Variants in TEKT3 observed in about 807,000 individuals in gnomAD.
TEKT3 encodes the protein tektin-3.
A neutral mutation model predicts 49.8 loss-of-function variants in TEKT3; 49 were observed. The observed-to-expected ratio is 0.98, with a 90% CI of 0.78 to 1.25. The LOEUF (loss-of-function observed/expected upper bound fraction) is 1.25. Among genes scored for constraint, TEKT3 ranks in the 50% most tolerant of loss-of-function variants. The pLI, the probability that TEKT3 is intolerant of heterozygous loss-of-function variation, is 0.00. For missense variants in TEKT3, 595 were observed against 629.5 expected (o/e 0.95, Z 0.59); for synonymous variants, 225 against 237.2 (o/e 0.95, Z 0.47).
intron 4 of TEKT3, among the ~76,000 whole-genome samples, chr17:15,320,222 G>A (rs1211956413): frequency 1.3e-5 from 2 of 152,116 alleles, no homozygotes; most frequent in East Asian, 3.8e-4. Context: ...GCCTAAATTT[G>A]CAAGCTGATA....
intron 4 of TEKT3, among the ~76,000 whole-genome samples, chr17:15,321,184 T>C (rs1019501916): frequency 6.6e-6 from 1 of 152,020 alleles, no homozygotes; most frequent in East Asian, 1.9e-4. Flanking sequence ...TAATTTTTTG[T>C]ATTTTTAGTA....
intron 2 of TEKT3, among the ~76,000 whole-genome samples, chr17:15,332,729 G>A (rs985560517): frequency 1.3e-5 from 2 of 152,178 alleles, no homozygotes; most frequent in East Asian, 1.9e-4. Flanking sequence ...TTAGCAGAGT[G>A]TCGGACACAT....
At chr17:15,319,319 G>A (rs1321256919) in intron 4 of TEKT3, among the ~76,000 whole-genome samples, 172 bp from the exon 5 acceptor site, 2 of 152,096 alleles carry the variant, frequency 1.3e-5, no homozygotes, top group African/African-American at 4.8e-5. Context: ...CATGATACTG[G>A]AATCTAAATA....
chr17:15,343,604 G>C (rs566909103), upstream of TEKT3, among the ~76,000 whole-genome samples: 5 of 152,214 alleles, frequency 3.3e-5, no homozygotes, highest in Admixed American at 1.3e-4. Context: ...CCATGAAAGA[G>C]GGACTCAGTC....
At chr17:15,341,956 G>T (rs1912249810), upstream of TEKT3, among the ~76,000 whole-genome samples, 1 of 152,188 alleles carries the variant, frequency 6.6e-6, no homozygotes, top group South Asian at 2.1e-4. Flanking sequence ...CATCAGGGCT[G>T]CCTGGAACCC....
chr17:15,315,314 G>A (rs1287553234), intron 5 of TEKT3, among the ~76,000 whole-genome samples: 2 of 152,182 alleles, frequency 1.3e-5, no homozygotes, highest in African/African-American at 4.8e-5. Context: ...ATCATGCAGG[G>A]CCCTAATGGA....
chr17:15,331,601 T>A lies in TEKT3; in HGVS notation c.-16A>T, dbSNP rs559062882. ...CACGTTCCATGATGCCAAAACACTA[T>A]TTGTAAATCTCTCCTGTTAAAAAAT... On this transcript the variant is annotated 5_prime_UTR_variant, in exon 3 of 9. Transcript: ENST00000395930. 2.6e-4 allele frequency: 411 copies of A among 1,586,126 alleles called. 3 individuals carry two copies. The South Asian group carries it at 4.4e-3, about 17-fold the overall frequency.
At chr17:15,315,600 A>G (rs1910967788) in intron 5 of TEKT3, among the ~76,000 whole-genome samples, 1 of 152,204 alleles carries the variant, frequency 6.6e-6, no homozygotes, top group Admixed American at 6.5e-5. Flanking sequence ...AAAAAAAAAA[A>G]AAAAAGAGCT....
intron 3 of TEKT3, 98 bp from the exon 4 acceptor site, chr17:15,328,173 C>T (rs562337622): frequency 3.0e-6 from 3 of 1,006,740 alleles, no homozygotes; most frequent in South Asian, 2.8e-5. Flanking sequence ...ATAGATACTC[C>T]CAATACCAAC....
intron 7 of TEKT3, 150 bp from the exon 8 acceptor site, chr17:15,308,968 G>T: frequency 1.0e-6 from 1 of 955,160 alleles, no homozygotes; most frequent in Non-Finnish European, 1.6e-6. Flanking sequence ...ATCCTTTCCA[G>T]CCCTGCCCCA....
Position 15,304,669 on chromosome 17 carries a change from C to T in TEKT3, c.1257-517G>A, listed in dbSNP as rs1910470229. On this transcript the variant is annotated intron_variant, in intron 8 of 8. Coordinates refer to ENST00000395930, the MANE Select transcript of TEKT3 (RefSeq NM_031898.3). The surrounding 1 kb of genome is among the most constrained non-coding windows in gnomAD (Gnocchi z 4.7). ...GGTCCCATTTCCTGGCCCCATTCCC[C>T]TCTCAGCTCCTTGAGACAGAAGAGT... Among the ~76,000 whole-genome samples the T allele has an allele frequency of 6.6e-6, 1 of 152,184 alleles. No homozygotes were observed. The highest frequency in any genetic ancestry group is 2.4e-5 in the African/African-American group (1 of 41,438).
chr17:15,338,800 G>A (rs1912107521), intron 2 of TEKT3, among the ~76,000 whole-genome samples: 1 of 151,100 alleles, frequency 6.6e-6, no homozygotes, highest in South Asian at 2.1e-4. Context: ...ACAGGCGTGA[G>A]CCACCGCGCC....
At chr17:15,339,891 A>G (rs1246289950) in intron 2 of TEKT3, 137 bp downstream of exon 2, 1 of 152,084 alleles carries the variant, frequency 6.6e-6, no homozygotes, top group African/African-American at 2.4e-5. Context: ...TGCATATATT[A>G]CATAAGAATA....
rs143711449 is a variant in TEKT3 at position 15,314,219 on chromosome 17, G to A, written c.746C>T (p.Ala249Val). The A allele has an allele frequency of 3.0e-5, 49 of 1,614,128 alleles. No homozygotes were observed. The highest frequency in any genetic ancestry group is 1.5e-4 in the African/African-American group (11 of 75,040). The change falls in exon 6 of 9, where the codon GCG becomes GTG. Residue 249 changes from alanine to valine, a missense_variant. By Grantham distance (64) the Ala-to-Val change is moderately conservative. Coordinates refer to ENST00000395930, the MANE Select transcript of TEKT3 (RefSeq NM_031898.3). ...GTCCTTTTCCAGCTCATGCTGGGAC[G>A]CTCTGTTGGCTCTGCAATACAGAGT... ...KAIAQLAANR[A>V]SQHELEKDLS...
intron 2 of TEKT3, among the ~76,000 whole-genome samples, chr17:15,337,598 C>G (rs1257417475): frequency 6.6e-6 from 1 of 152,118 alleles, no homozygotes; most frequent in African/African-American, 2.4e-5. Context: ...AATCCCAGCA[C>G]TTTGGGAGGC....
At chr17:15,308,255 G>A (rs74907362) in intron 8 of TEKT3, among the ~76,000 whole-genome samples, 1,701 of 152,246 alleles carry the variant, frequency 0.011, 34 homozygotes, top group African/African-American at 0.038. Context: ...TGGAAACTCC[G>A]AAGACTCCAA....
At chr17:15,341,127 C>G (rs541074272) in intron 1 of TEKT3, among the ~76,000 whole-genome samples, 3 of 152,288 alleles carry the variant, frequency 2.0e-5, no homozygotes, top group South Asian at 4.1e-4. Context: ...GAAGGCTCGG[C>G]TATTGAAGCA....
intron 4 of TEKT3, among the ~76,000 whole-genome samples, chr17:15,323,336 A>G (rs1187557561): frequency 2.0e-5 from 3 of 152,222 alleles, no homozygotes; most frequent in East Asian, 1.9e-4. Context: ...GGCCAGGCCC[A>G]GAGCCCCAGC....
At chr17:15,313,108 G>T (rs1369464305) in intron 6 of TEKT3, among the ~76,000 whole-genome samples, 1 of 152,162 alleles carries the variant, frequency 6.6e-6, no homozygotes, top group Non-Finnish European at 1.5e-5. Flanking sequence ...CCATATTTAT[G>T]CTGATCCCTG....
Sources: allele counts gnomAD v4.1 joint callset (sites outside exome capture counted in the v4.1 genomes callset), GRCh38; gene constraint gnomAD v4.1.1; non-coding constraint Gnocchi (gnomAD v3.1); transcripts MANE v1.5; gene names NCBI Gene and HGNC (gene_info 2026-07-23, HGNC 2026-07-21).